The following LRTM2 variants were observed in gnomAD, a reference collection of about 807,000 sequenced individuals.
The protein encoded by LRTM2 is leucine rich repeat transmembrane protein 2.
LRTM2 carries 18 observed loss-of-function variants against 28.1 expected under a neutral mutation model. The ratio of observed to expected loss-of-function variants is 0.64; its 90% confidence interval spans 0.44 to 0.95. The LOEUF (loss-of-function observed/expected upper bound fraction) is 0.95, where lower values mean the gene tolerates loss of function less well. Ranked by LOEUF, LRTM2 falls within the 40% of genes least tolerant of loss-of-function variation. The probability of loss-of-function intolerance (pLI) is 0.00; values close to 1 mark genes in which losing one functional copy is unlikely to be tolerated. For synonymous variants in LRTM2, 250 were observed against 218.7 expected (o/e 1.14, Z -1.26); for missense variants, 436 against 497.2 (o/e 0.88, Z 1.17).
chr12:1,826,411 C>CCCCT (rs1555177868), intron 1 of LRTM2, among the ~76,000 whole-genome samples: 6 of 102,684 alleles, frequency 5.8e-5, no homozygotes, highest in East Asian at 2.8e-4. Flanking sequence ...CCCCCCCCCC[C>CCCCT]CCCCCGCCAA....
At chr12:1,825,007 TGG>T (rs2154446629) in intron 1 of LRTM2, among the ~76,000 whole-genome samples, 1 of 152,336 alleles carries the variant, frequency 6.6e-6, no homozygotes, top group East Asian at 1.9e-4. Context: ...CGCATGAACC[TGG>T]GGGCCTTGTT....
At chr12:1,824,713 C>T (rs1016707994) in intron 1 of LRTM2, among the ~76,000 whole-genome samples, 3 of 152,206 alleles carry the variant, frequency 2.0e-5, no homozygotes. Flanking sequence ...TCCAAGCTTC[C>T]CAATGTAGGT....
intron 1 of LRTM2, among the ~76,000 whole-genome samples, chr12:1,824,480 T>C (rs1356674694): frequency 2.0e-5 from 3 of 152,186 alleles, no homozygotes; most frequent in African/African-American, 7.2e-5. Context: ...TGGCTCTCTC[T>C]GGAAGGGAGG....
intron 4 of LRTM2, among the ~76,000 whole-genome samples, chr12:1,832,493 T>C (rs945703296): frequency 3.3e-5 from 5 of 152,250 alleles, no homozygotes; most frequent in Non-Finnish European, 5.9e-5. Flanking sequence ...AGATGCTCAA[T>C]GAATGTTTGC....
Position 1,831,240 on chromosome 12 carries a change from A to G in LRTM2, c.373A>G (p.Asn125Asp). Reference sequence around the variant, plus strand: ...GAATCTGACTGAGCTTCAGCTGCGCAATAACAGCATCAGGACCCTGGACAG... The same window carrying G: ...GAATCTGACTGAGCTTCAGCTGCGCGATAACAGCATCAGGACCCTGGACAG... ...LTNLTELQLR[N>D]NSIRTLDRDL... Residue 125 changes from asparagine (N) to aspartate (D), a missense_variant, in exon 4 of 5, where the codon AAT becomes GAT. Coordinates refer to ENST00000299194, the MANE Select transcript of LRTM2 (RefSeq NM_001039029.3). 5 of 1,613,804 alleles carry G rather than the reference A, an allele frequency of 3.1e-6. No individual in the cohort carries two copies. Among genetic ancestry groups the G allele is most frequent in the Non-Finnish European group, 4.2e-6 (5 of 1,180,024 alleles).
At chr12:1,832,315 A>G (rs186003887) in intron 4 of LRTM2, among the ~76,000 whole-genome samples, 59 of 152,334 alleles carry the variant, frequency 3.9e-4, no homozygotes, top group Admixed American at 1.5e-3. Flanking sequence ...GAAGGAAACA[A>G]TATCTATTTC....
chr12:1,826,742 C>T (rs1864346894), intron 1 of LRTM2, among the ~76,000 whole-genome samples: 1 of 152,224 alleles, frequency 6.6e-6, no homozygotes, highest in Non-Finnish European at 1.5e-5. Flanking sequence ...TAACTGAGCA[C>T]TGCTGTGGCC....
At position 1,828,895 on chromosome 12, in the gene LRTM2, G is replaced by C. The variant is rs569695264; in HGVS notation, c.67+680G>C. ...AGCCCTGAGAATTCTCTTTATATGT[G>C]GCAAAGGGACCAGGTCAGCAAGGGC... On this transcript the variant is annotated intron_variant, in intron 3 of 4. Transcript: ENST00000299194. This position sits in a 1 kb window ranked among gnomAD's most constrained non-coding sequence, Gnocchi z 4.2. 3.7e-4 allele frequency among the ~76,000 whole-genome samples: 57 copies of C among 152,304 alleles called. No individual in the cohort carries two copies. Among genetic ancestry groups the C allele is most frequent in the African/African-American group, 1.4e-3 (57 of 41,552 alleles).
chr12:1,826,810 G>T (rs1271150460), intron 1 of LRTM2, among the ~76,000 whole-genome samples: 2 of 152,222 alleles, frequency 1.3e-5, no homozygotes, highest in Non-Finnish European at 2.9e-5. Flanking sequence ...GAAGATGGGG[G>T]CAACAGGGTT....
chr12:1,831,273 C>T lies in LRTM2; in HGVS notation c.406C>T (p.Leu136=). The change falls in exon 4 of 5, where the codon CTG becomes TTG. Residue 136 remains leucine (L), a synonymous_variant. Coordinates refer to ENST00000299194, the MANE Select transcript of LRTM2 (RefSeq NM_001039029.3). ...CATCAGGACCCTGGACAGGGACCTG[C>T]TGCGGCACTCGCCGCTGCTCCGCCA... The part of the protein sequence containing the change: ...NSIRTLDRDL[L]RHSPLLRHLD... 4 of 1,613,780 alleles carry T rather than the reference C, an allele frequency of 2.5e-6. No homozygotes were observed. Among genetic ancestry groups the T allele is most frequent in the Non-Finnish European group, 3.4e-6 (4 of 1,180,032 alleles).
At chr12:1,821,838 C>T (rs1272595451) in intron 1 of LRTM2, among the ~76,000 whole-genome samples, 1 of 152,148 alleles carries the variant, frequency 6.6e-6, no homozygotes, top group Non-Finnish European at 1.5e-5. Flanking sequence ...CTCTCCCCCA[C>T]CCCCAAGCTG....
chr12:1,831,395 G>C lies in LRTM2; in HGVS notation c.528G>C (p.Leu176=), dbSNP rs201176570. 1.2e-6 allele frequency: 2 copies of C among 1,614,032 alleles called. No individual in the cohort carries two copies. ...LRSLSLRSNR[L]QNLDRLTFEP... ...CCCTCTCGCTTCGCTCCAACCGTCTGCAGAATCTGGACCGGCTGACATTTG... is the reference window on the plus strand; with the variant it reads ...CCCTCTCGCTTCGCTCCAACCGTCTCCAGAATCTGGACCGGCTGACATTTG... The change falls in exon 4 of 5, where the codon CTG becomes CTC. Residue 176 remains leucine (L), a synonymous_variant. Coordinates refer to ENST00000299194, the MANE Select transcript of LRTM2 (RefSeq NM_001039029.3).
chr12:1,823,077 T>C (rs1864174363), intron 1 of LRTM2, among the ~76,000 whole-genome samples: 1 of 152,094 alleles, frequency 6.6e-6, no homozygotes, highest in South Asian at 2.1e-4. Flanking sequence ...GACTCTTCCA[T>C]GCTGAGGGGT....
chr12:1,826,470 A>C (rs1269238048), intron 1 of LRTM2, among the ~76,000 whole-genome samples: 1 of 134,454 alleles, frequency 7.4e-6, no homozygotes, highest in Non-Finnish European at 1.6e-5. Context: ...GTGGTTAGAG[A>C]ACCATGACAG....
chr12:1,834,218 G>A lies in LRTM2; in HGVS notation c.659-49G>A, dbSNP rs79174514. On this transcript the variant is annotated intron_variant, in intron 4 of 4. Transcript: ENST00000299194. The surrounding 1 kb of genome is among the most constrained non-coding windows in gnomAD (Gnocchi z 7.6). ...GGAGCTGGGGATGGGGAGAGGGAGTGCAAGTTCTAGATGCCTGGTCAGCCC... is the reference window on the plus strand; with the variant it reads ...GGAGCTGGGGATGGGGAGAGGGAGTACAAGTTCTAGATGCCTGGTCAGCCC... The A allele has an allele frequency of 0.15, 233,787 of 1,511,920 alleles. 19,589 individuals are homozygous for A. Among genetic ancestry groups the A allele is most frequent in the Non-Finnish European group, 0.17 (195,262 of 1,130,550 alleles). 93.7% of individuals were successfully genotyped at this position (1,511,920 alleles called of 1,614,324 possible).
rs1490504249 is a variant in LRTM2, at chr12:1,836,148, A to T, written c.*1427A>T. ...GAGCACCCAGCCGGGGCCAAACCAG[A>T]GAGTGGGTGGGGAGCCTGTCTGGGA... is the stretch of plus-strand genomic sequence containing the variant. On this transcript the variant is annotated 3_prime_UTR_variant, in exon 5 of 5. Coordinates refer to ENST00000299194, the MANE Select transcript of LRTM2 (RefSeq NM_001039029.3). 6.6e-6 allele frequency: 1 copy of T among 152,306 alleles called. No individual in the cohort carries two copies. The highest frequency in any genetic ancestry group is 1.5e-5 in the Non-Finnish European group (1 of 68,118). The allele number at this position is 152,306 out of a possible 1,614,324, so 9.4% of individuals were successfully genotyped here. A position where few individuals can be genotyped will look rare whatever the true frequency, so the allele number is the denominator to read the frequency against.
chr12:1,828,237 G>A lies in LRTM2; in HGVS notation c.67+22G>A. ...TCCTGTGAGTACACCCCTGGCCTCG[G>A]AGGGGGGTGCGGGTTGGGTGGGGGT... On this transcript the variant is annotated intron_variant, in intron 3 of 4. Coordinates refer to ENST00000299194, the MANE Select transcript of LRTM2 (RefSeq NM_001039029.3). The surrounding 1 kb of genome is among the most constrained non-coding windows in gnomAD (Gnocchi z 4.2). 1 of 1,534,004 alleles carries A rather than the reference G, an allele frequency of 6.5e-7. No individual in the cohort carries two copies. Among genetic ancestry groups the A allele is most frequent in the Admixed American group, 2.0e-5 (1 of 49,352 alleles).
chr12:1,828,246 G>A lies in LRTM2; in HGVS notation c.67+31G>A, dbSNP rs758708819. ...TACACCCCTGGCCTCGGAGGGGGGT[G>A]CGGGTTGGGTGGGGGTGCCGAGGTG... On this transcript the variant is annotated intron_variant, in intron 3 of 4. Coordinates refer to ENST00000299194, the MANE Select transcript of LRTM2 (RefSeq NM_001039029.3). This position sits in a 1 kb window ranked among gnomAD's most constrained non-coding sequence, Gnocchi z 4.2. 392 of 1,525,558 alleles carry A rather than the reference G, an allele frequency of 2.6e-4. 1 individual carries two copies. The highest frequency in any genetic ancestry group is 2.2e-4 in the Non-Finnish European group (253 of 1,133,328). 94.5% of individuals were successfully genotyped at this position (1,525,558 alleles called of 1,614,324 possible). A position where few individuals can be genotyped will look rare whatever the true frequency, so the allele number is the denominator to read the frequency against.
At chr12:1,830,538 C>T (rs1005778350) in intron 3 of LRTM2, among the ~76,000 whole-genome samples, 2 of 152,190 alleles carry the variant, frequency 1.3e-5, no homozygotes, top group African/African-American at 2.4e-5. Context: ...ACCTTATCTC[C>T]TTTCTTGTGT....
Sources: gnomAD v4.1 joint callset for allele counts (sites outside exome capture counted in the v4.1 genomes callset) on GRCh38, gnomAD v4.1.1 for gene constraint, Gnocchi (gnomAD v3.1) non-coding constraint, MANE v1.5 for transcripts, NCBI Gene and HGNC (gene_info 2026-07-23, HGNC 2026-07-21) for gene names.